The following CNTN4 variants were observed in gnomAD, a reference collection of about 807,000 sequenced individuals.
CNTN4 encodes contactin-4.
A neutral mutation model predicts 122.5 loss-of-function variants in CNTN4; 77 were observed. The observed-to-expected ratio is 0.63, with a 90% CI of 0.52 to 0.76. CNTN4 has a LOEUF of 0.76. Among genes scored for constraint, CNTN4 ranks in the 30% least tolerant of loss-of-function variants. CNTN4 has a pLI of 0.00. For missense variants in CNTN4, 1,256 were observed against 1,259.1 expected (o/e 1.00, Z 0.04); for synonymous variants, 512 against 447.0 (o/e 1.15, Z -1.83).
chr3:2,331,941 G>A (rs1479399341), intron 2 of CNTN4, among the ~76,000 whole-genome samples: 1 of 152,126 alleles, frequency 6.6e-6, no homozygotes, highest in Non-Finnish European at 1.5e-5. Context: ...TGTTTGTAAG[G>A]CGATTCTCCT....
intron 3 of CNTN4, among the ~76,000 whole-genome samples, chr3:2,464,278 C>G (rs2075419126): frequency 1.3e-5 from 2 of 152,136 alleles, no homozygotes. Context: ...GCCAGCTTGG[C>G]AAGCAGGAGA....
At chr3:3,039,367 C>A (rs1699938577) in intron 19 of CNTN4, 3 of 196,814 alleles carry the variant, frequency 1.5e-5, no homozygotes, top group East Asian at 2.4e-4. Flanking sequence ...AGTGCACCAG[C>A]ACAATTTCCT....
intron 2 of CNTN4, among the ~76,000 whole-genome samples, chr3:2,248,224 G>T (rs1373628161): frequency 6.6e-6 from 1 of 151,842 alleles, no homozygotes; most frequent in African/African-American, 2.4e-5. Flanking sequence ...TGAATATTGT[G>T]GTCATGATAT....
intron 3 of CNTN4, among the ~76,000 whole-genome samples, chr3:2,426,725 T>C (rs2047851141): frequency 6.6e-6 from 1 of 152,204 alleles, no homozygotes; most frequent in Non-Finnish European, 1.5e-5. Flanking sequence ...TGGTAGGCTC[T>C]TAATTATTGC....
chr3:3,050,752 A>G (rs944658637), intron 23 of CNTN4, among the ~76,000 whole-genome samples: 4 of 104,180 alleles, frequency 3.8e-5, no homozygotes, highest in Non-Finnish European at 5.6e-5. Flanking sequence ...AATAAGAGTG[A>G]AACTCCGTCT....
chr3:2,999,892 T>C (rs2125387780), intron 14 of CNTN4, among the ~76,000 whole-genome samples: 1 of 152,324 alleles, frequency 6.6e-6, no homozygotes. Flanking sequence ...ACTTTTCCTA[T>C]TGAAATTTCT....
chr3:2,317,399 C>T (rs1021648819), intron 2 of CNTN4, among the ~76,000 whole-genome samples: 3 of 152,154 alleles, frequency 2.0e-5, no homozygotes, highest in African/African-American at 4.8e-5. Context: ...ATAACCAAAA[C>T]ACTCAGAAAA....
At chr3:2,425,679 G>A (rs1346953076) in intron 3 of CNTN4, among the ~76,000 whole-genome samples, 2 of 152,072 alleles carry the variant, frequency 1.3e-5, no homozygotes, top group African/African-American at 2.4e-5. Context: ...CCATTTTCAC[G>A]ATATTGACTC....
rs149942820 is a variant in CNTN4 at position 2,839,606 on chromosome 3, G to A, written c.454+20025G>A. Among the ~76,000 whole-genome samples, 1,063 of 152,290 alleles carry A rather than the reference G, an allele frequency of 7.0e-3. 9 individuals are homozygous for A. The highest frequency in any genetic ancestry group is 0.022 in the East Asian group (112 of 5,178). On this transcript the variant is annotated intron_variant, in intron 7 of 24. Transcript: ENST00000418658. ...CAGGGCTTTTAAATTTTCAAGGACT[G>A]CACTGCAGTTGAATTGAAGTGAACC...
chr3:2,980,059 A>G (rs1299947295), intron 13 of CNTN4, among the ~76,000 whole-genome samples: 1 of 152,202 alleles, frequency 6.6e-6, no homozygotes, highest in Non-Finnish European at 1.5e-5. Flanking sequence ...GTTTTGATTT[A>G]TAGGACTGAC....
chr3:2,676,229 T>C (rs984226953), intron 4 of CNTN4, among the ~76,000 whole-genome samples: 2 of 152,068 alleles, frequency 1.3e-5, no homozygotes, highest in Non-Finnish European at 2.9e-5. Context: ...GGTTTTTTTT[T>C]TGTGGTGGGG....
At chr3:3,002,459 T>A (rs1696145809) in intron 14 of CNTN4, among the ~76,000 whole-genome samples, 2 of 152,074 alleles carry the variant, frequency 1.3e-5, no homozygotes, top group African/African-American at 4.8e-5. Context: ...GAGAGAGAAA[T>A]AATAAAATAG....
Position 2,488,787 on chromosome 3 carries a change from A to G in CNTN4, c.-88-82629A>G, listed in dbSNP as rs571708275. On this transcript the variant is annotated intron_variant, in intron 3 of 24. Transcript: ENST00000418658. ...TTTCAAAGCTTGTGTAGTAGCATTC[A>G]ACGGAAATGCATAAACTTCTCTATG... Among the ~76,000 whole-genome samples the G allele has an allele frequency of 1.5e-4, 23 of 152,320 alleles. No individual in the cohort carries two copies. The South Asian group carries it at 4.8e-3, about 32-fold the overall frequency.
intron 3 of CNTN4, among the ~76,000 whole-genome samples, chr3:2,459,502 GA>G (rs1226625886): frequency 2.6e-5 from 4 of 151,978 alleles, no homozygotes; most frequent in African/African-American, 9.7e-5. Flanking sequence ...AATATATTAT[GA>G]AAAAGTCATG....
chr3:2,909,106 G>C (rs796781892), intron 12 of CNTN4, among the ~76,000 whole-genome samples: 27 of 152,340 alleles, frequency 1.8e-4, no homozygotes, highest in African/African-American at 6.5e-4. Context: ...ATCTGCATCT[G>C]ATTTCTCAAC....
In CNTN4 at chr3:2,949,657, C is replaced by T. The variant is rs573869516; in HGVS notation, c.1358+23878C>T. On this transcript the variant is annotated intron_variant, in intron 13 of 24. Transcript: ENST00000418658. ...GATATTGCTCCTTAAATTCTACTCT[C>T]TAGACCCCCAGAGCTACTACTGGTT... Among the ~76,000 whole-genome samples the T allele has an allele frequency of 2.0e-5, 3 of 152,332 alleles. No individual in the cohort carries two copies. The East Asian group carries it at 5.8e-4, about 29-fold the overall frequency.
chr3:2,337,958 T>A (rs2150343896), intron 2 of CNTN4, among the ~76,000 whole-genome samples: 1 of 152,220 alleles, frequency 6.6e-6, no homozygotes, highest in Admixed American at 6.5e-5. Flanking sequence ...TTTAGATACA[T>A]ACTAAACTTT....
intron 2 of CNTN4, among the ~76,000 whole-genome samples, chr3:2,150,402 CT>C (rs1040870980): frequency 1.3e-5 from 2 of 152,152 alleles, no homozygotes; most frequent in Non-Finnish European, 2.9e-5. Context: ...ATTAATATCT[CT>C]TTTTTTCCTT....
At chr3:2,255,318 T>G (rs1008803355) in intron 2 of CNTN4, among the ~76,000 whole-genome samples, 1 of 152,106 alleles carries the variant, frequency 6.6e-6, no homozygotes, top group African/African-American at 2.4e-5. Flanking sequence ...AGACTTAGAC[T>G]CTTACACAGT....
Sources: gnomAD v4.1 joint callset for allele counts (sites outside exome capture counted in the v4.1 genomes callset) on GRCh38, gnomAD v4.1.1 for gene constraint, MANE v1.5 for transcripts, NCBI Gene and HGNC (gene_info 2026-07-23, HGNC 2026-07-21) for gene names.